The following EGFR variants were observed in gnomAD, a reference collection of about 807,000 sequenced individuals.
EGFR encodes avian erythroblastic leukemia viral (v-erb-b) oncogene homolog.
A neutral mutation model predicts 143.0 loss-of-function variants in EGFR; 58 were observed. The ratio of observed to expected loss-of-function variants is 0.41; its 90% CI spans 0.33 to 0.50. The LOEUF is 0.50. Ranked by LOEUF, EGFR falls within the 20% of genes least tolerant of loss-of-function variation. EGFR has a pLI of 0.39. For missense variants in EGFR, 1,307 were observed against 1,579.0 expected (o/e 0.83, Z 2.92); for synonymous variants, 613 against 594.4 (o/e 1.03, Z -0.45).
chr7:55,117,402 C>T (rs144491339), intron 1 of EGFR, among the ~76,000 whole-genome samples: 1 of 152,294 alleles, frequency 6.6e-6, no homozygotes, highest in East Asian at 1.9e-4. Flanking sequence ...GGGACCCACA[C>T]TCTGTAACTC....
At position 55,041,717 on chromosome 7, in the gene EGFR, A is replaced by G. The variant is rs1787909869; in HGVS notation, c.88+22352A>G. ...TGGCCTTTTGTATACTTCAATTGTAATACCTAGAAAAACAGTTATGTCCAA... is the reference window on the plus strand; with the variant it reads ...TGGCCTTTTGTATACTTCAATTGTAGTACCTAGAAAAACAGTTATGTCCAA... On this transcript the variant is annotated intron_variant, in intron 1 of 27. Transcript: ENST00000275493. Among the ~76,000 whole-genome samples, 4 of 152,304 alleles carry G rather than the reference A, an allele frequency of 2.6e-5. 1 individual carries two copies. In the South Asian group the frequency reaches 8.3e-4, roughly 32 times the overall value.
intron 1 of EGFR, among the ~76,000 whole-genome samples, chr7:55,078,611 C>A (rs777044185): frequency 4.6e-5 from 7 of 152,216 alleles, no homozygotes; most frequent in Non-Finnish European, 8.8e-5. Flanking sequence ...GGGGGCCACA[C>A]GGGCACCACC....
At chr7:55,156,057 A>G (rs2128937756) in intron 8 of EGFR, 111 bp downstream of exon 8, 1 of 796,800 alleles carries the variant, frequency 1.3e-6, no homozygotes, top group East Asian at 2.7e-5. Flanking sequence ...AAACAACTAT[A>G]CATATCGTTT....
At chr7:55,019,823 C>A (rs1042199414) in intron 1 of EGFR, among the ~76,000 whole-genome samples, 8 of 152,198 alleles carry the variant, frequency 5.3e-5, no homozygotes, top group Non-Finnish European at 7.4e-5. Context: ...GCTGCCCACC[C>A]GCCGAGACTG....
chr7:55,136,120 T>C (rs943890554), intron 1 of EGFR, among the ~76,000 whole-genome samples: 1 of 152,180 alleles, frequency 6.6e-6, no homozygotes, highest in African/African-American at 2.4e-5. Flanking sequence ...CACTTTGAGA[T>C]TTTAGTATAG....
intron 1 of EGFR, chr7:55,119,525 C>G (rs1293838611): frequency 1.3e-5 from 2 of 152,218 alleles, no homozygotes; most frequent in Non-Finnish European, 2.9e-5. Context: ...TGTATCTTCT[C>G]CTGTTTAAAG....
In EGFR at chr7:55,173,929, G is replaced by C. The variant is rs2128953502; in HGVS notation, c.2070G>C (p.Glu690Asp). 6.2e-7 allele frequency: 1 copy of C among 1,614,248 alleles called. No individual in the cohort carries two copies. The change falls in exon 18 of 28, where the codon GAG (glutamate) becomes GAC (aspartate). Residue 690 changes from glutamate (E) to aspartate (D), a missense_variant. Coordinates refer to ENST00000275493, the MANE Select transcript of EGFR (RefSeq NM_005228.5). ...RRLLQERELV[E>D]PLTPSGEAPN... ...GTTCTTGTCCCCCCCAGCTTGTGGAGCCTCTTACACCCAGTGGAGAAGCTC... is the reference window on the plus strand; with the variant it reads ...GTTCTTGTCCCCCCCAGCTTGTGGACCCTCTTACACCCAGTGGAGAAGCTC...
At chr7:55,193,818 T>G (rs1214078230) in intron 22 of EGFR, among the ~76,000 whole-genome samples, 1 of 152,248 alleles carries the variant, frequency 6.6e-6, no homozygotes, top group African/African-American at 2.4e-5. Flanking sequence ...TAGTATTTTT[T>G]CTTTTTCCTA....
At chr7:55,115,609 A>C (rs1408284080) in intron 1 of EGFR, among the ~76,000 whole-genome samples, 2 of 152,184 alleles carry the variant, frequency 1.3e-5, no homozygotes, top group Non-Finnish European at 2.9e-5. Context: ...GCCTTCCTGA[A>C]GGTATAGTGA....
chr7:55,114,993 T>C (rs1792748328), intron 1 of EGFR, among the ~76,000 whole-genome samples: 1 of 151,110 alleles, frequency 6.6e-6, no homozygotes, highest in African/African-American at 2.4e-5. Context: ...ACCATTCTCC[T>C]GCCTCAGCCT....
At chr7:55,171,090 C>T (rs1786327897) in intron 15 of EGFR, 85 bp from the exon 16 acceptor site, 7 of 1,590,000 alleles carry the variant, frequency 4.4e-6, no homozygotes, top group South Asian at 3.4e-5. Context: ...GCATATATTG[C>T]TTTATGATTT....
intron 1 of EGFR, among the ~76,000 whole-genome samples, chr7:55,020,646 G>A (rs1281818608): frequency 6.6e-6 from 1 of 151,796 alleles, no homozygotes; most frequent in Non-Finnish European, 1.5e-5. Context: ...GAACATGAGC[G>A]AGTCTGGCTT....
rs757493321 is a variant in EGFR at position 55,198,838 on chromosome 7, C to G, written c.2823C>G (p.Ile941Met). The G allele has an allele frequency of 1.2e-6, 2 of 1,614,226 alleles. No homozygotes were observed. The highest frequency in any genetic ancestry group is 1.7e-6 in the Non-Finnish European group (2 of 1,180,036). The change falls in exon 23 of 28, where the codon ATC (isoleucine) becomes ATG (methionine). Residue 941 changes from isoleucine (I) to methionine (M), a missense_variant. Ile to Met is a conservative substitution (Grantham distance 10, BLOSUM62 1). Transcript: ENST00000275493. ...TCCCTCAGCCACCCATATGTACCAT[C>G]GATGTCTACATGATCATGGTCAAGT... ...ERLPQPPICT[I>M]DVYMIMVKCW... is the part of the protein sequence containing the mutation.
chr7:55,057,001 C>T (rs1426581103), intron 1 of EGFR, among the ~76,000 whole-genome samples: 7 of 152,274 alleles, frequency 4.6e-5, no homozygotes, highest in South Asian at 4.1e-4. Context: ...TCAGAATCCC[C>T]GCAGAGTGGT....
Position 55,171,230 on chromosome 7 carries a change from CTG to C in EGFR, c.1919+21_1919+22del. Reference sequence around the variant, plus strand: ...AACGAATGGGTAAGTGTTCACAGCTCTGTGTCACATGGACCTCGTCAAGAATG... The same window carrying C: ...AACGAATGGGTAAGTGTTCACAGCTCTGTCACATGGACCTCGTCAAGAATG... On this transcript the variant is annotated intron_variant, in intron 16 of 27. Coordinates refer to ENST00000275493, the MANE Select transcript of EGFR (RefSeq NM_005228.5). 1 of 1,614,206 alleles carries C rather than the reference CTG, an allele frequency of 6.2e-7. No homozygotes were observed.
chr7:55,201,281 G>A lies in EGFR; in HGVS notation c.3040G>A (p.Asp1014Asn), dbSNP rs751192280. Residue 1014 changes from aspartate to asparagine, a missense_variant, in exon 25 of 28, where the codon GAC becomes AAC. Physicochemically the swap from Asp to Asn is conservative, Grantham distance 23. This residue lies in a region of EGFR where 313 missense variants were observed against 312.3 expected (regional missense o/e 1.00). Transcript: ENST00000275493. ...AGACATGGACGACGTGGTGGATGCC[G>A]ACGAGTACCTCATCCCACAGCAGGG... ...EEDMDDVVDA[D>N]EYLIPQQGFF... is the part of the protein sequence containing the mutation. The A allele has an allele frequency of 9.3e-6, 15 of 1,613,990 alleles. No homozygotes were observed. In the East Asian group the frequency reaches 1.3e-4, roughly 14 times the overall value.
rs2128977026 is a variant in EGFR, at chr7:55,209,632, A to T, written c.*4015A>T. ...TCACATTTCCTTGCCTGGGGGCTGT[A>T]AAACCTTACAGAACAGAAATCCTTG... On this transcript the variant is annotated 3_prime_UTR_variant, in exon 28 of 28. Transcript: ENST00000275493. The T allele has an allele frequency of 6.6e-6, 1 of 152,334 alleles. No homozygotes were observed. Among genetic ancestry groups the T allele is most frequent in the Non-Finnish European group, 1.5e-5 (1 of 68,030 alleles). The allele number at this position is 152,334 out of a possible 1,614,324, so 9.4% of individuals were successfully genotyped here.
intron 1 of EGFR, among the ~76,000 whole-genome samples, chr7:55,057,778 A>G (rs545801621): frequency 3.3e-5 from 5 of 152,284 alleles, no homozygotes; most frequent in Admixed American, 6.5e-5. Flanking sequence ...TCTCTGCGGT[A>G]TTGTTCTCAC....
intron 15 of EGFR, chr7:55,170,959 A>G: frequency 6.9e-7 from 1 of 1,441,426 alleles, no homozygotes; most frequent in African/African-American, 1.4e-5. Flanking sequence ...CGCCTGTCAC[A>G]GAGTAGAAAC....
Sources: gnomAD v4.1 joint callset for allele counts (sites outside exome capture counted in the v4.1 genomes callset) on GRCh38, gnomAD v4.1.1 for gene constraint, gnomAD v4.1.1 regional missense constraint, MANE v1.5 for transcripts, NCBI Gene and HGNC (gene_info 2026-07-23, HGNC 2026-07-21) for gene names.